Variants in SLC4A5 observed in about 807,000 individuals in gnomAD.
SLC4A5 encodes the protein electrogenic sodium bicarbonate cotransporter 4.
SLC4A5 carries 96 observed loss-of-function variants against 120.4 expected under a neutral mutation model. That is an observed-to-expected ratio of 0.80 (90% CI 0.68 to 0.94). SLC4A5 has a LOEUF of 0.94. Among genes scored for constraint, SLC4A5 ranks in the 40% least tolerant of loss-of-function variants. The pLI, the probability that SLC4A5 is intolerant of heterozygous loss-of-function variation, is 0.00. For missense variants in SLC4A5, 1,259 were observed against 1,459.5 expected (o/e 0.86, Z 2.24); for synonymous variants, 550 against 571.1 (o/e 0.96, Z 0.53).
chr2:74,307,980 G>A (rs1442266833), intron 6 of SLC4A5: 3 of 562,896 alleles, frequency 5.3e-6, no homozygotes, highest in Non-Finnish European at 1.0e-5. Context: ...GTAGTTGGAG[G>A]AGAAGGTGGA....
At chr2:74,231,383 T>C in intron 24 of SLC4A5, 75 bp from the exon 25 acceptor site, 1 of 1,356,980 alleles carries the variant, frequency 7.4e-7, no homozygotes, top group East Asian at 2.4e-5. Context: ...TGCCCCTCTG[T>C]GGGCACCTGA....
chr2:74,268,807 T>A (rs1671383426), intron 8 of SLC4A5, among the ~76,000 whole-genome samples: 2 of 152,256 alleles, frequency 1.3e-5, no homozygotes, highest in South Asian at 4.1e-4. Context: ...TATCTCACAT[T>A]TGCACTCTTC....
chr2:74,258,150 ACT>A (rs1337264734), intron 12 of SLC4A5, among the ~76,000 whole-genome samples: 7 of 152,070 alleles, frequency 4.6e-5, no homozygotes, highest in Non-Finnish European at 8.8e-5. Flanking sequence ...GTCTGAATCT[ACT>A]CTCTGTTCAC....
At chr2:74,276,950 T>C (rs1173717577) in intron 8 of SLC4A5, among the ~76,000 whole-genome samples, 2 of 152,030 alleles carry the variant, frequency 1.3e-5, no homozygotes, top group African/African-American at 2.4e-5. Flanking sequence ...GTAAAGAAGA[T>C]GCCCTGAGAG....
At chr2:74,328,404 C>G (rs1673269333) in intron 4 of SLC4A5, among the ~76,000 whole-genome samples, 1 of 152,202 alleles carries the variant, frequency 6.6e-6, no homozygotes, top group Non-Finnish European at 1.5e-5. Context: ...GATGCCTTTG[C>G]TCTAAATTTC....
At chr2:74,287,817 C>T (rs915126740) in intron 7 of SLC4A5, among the ~76,000 whole-genome samples, 1 of 152,122 alleles carries the variant, frequency 6.6e-6, no homozygotes, top group Admixed American at 6.5e-5. Context: ...TCTTCAACTT[C>T]CCTCTCTCCA....
chr2:74,254,650 C>A (rs368691435), exon 14 of SLC4A5: 1 of 1,613,806 alleles, frequency 6.2e-7, no homozygotes, highest in Admixed American at 1.7e-5. Context: ...AATGGCACGG[C>A]CAATTTCATT....
intron 19 of SLC4A5, 48 bp downstream of exon 19, chr2:74,246,988 C>T: frequency 6.3e-7 from 1 of 1,595,776 alleles, no homozygotes; most frequent in Non-Finnish European, 8.5e-7. Context: ...GATCAGGGGG[C>T]CGGTGGGGTA....
At chr2:74,316,185 G>C (rs1365455693) in intron 5 of SLC4A5, among the ~76,000 whole-genome samples, 1 of 151,688 alleles carries the variant, frequency 6.6e-6, no homozygotes, top group Non-Finnish European at 1.5e-5. Flanking sequence ...AAAAACAATA[G>C]AAGTATCAAA....
At chr2:74,281,725 A>G (rs541296197) in intron 8 of SLC4A5, among the ~76,000 whole-genome samples, 5 of 152,244 alleles carry the variant, frequency 3.3e-5, no homozygotes, top group South Asian at 2.1e-4. Context: ...CCCCAAACTA[A>G]TAACTCCCGA....
chr2:74,268,413 T>G (rs1671371692), intron 8 of SLC4A5, among the ~76,000 whole-genome samples: 1 of 152,366 alleles, frequency 6.6e-6, no homozygotes, highest in East Asian at 1.9e-4. Flanking sequence ...GGGTATAGTA[T>G]CTAATGGACA....
chr2:74,251,436 A>AC (rs1177281293), intron 16 of SLC4A5, among the ~76,000 whole-genome samples: 1 of 152,046 alleles, frequency 6.6e-6, no homozygotes, highest in Non-Finnish European at 1.5e-5. Context: ...TGGAAAAGAA[A>AC]CCCAGGCCAG....
intron 7 of SLC4A5, among the ~76,000 whole-genome samples, chr2:74,287,232 T>A (rs1573064165): frequency 6.6e-6 from 1 of 152,106 alleles, no homozygotes; most frequent in South Asian, 2.1e-4. Flanking sequence ...GACTTCCCAA[T>A]CAAACCAGCC....
At chr2:74,230,248 A>G (rs1422758891) in intron 25 of SLC4A5, among the ~76,000 whole-genome samples, 2 of 152,202 alleles carry the variant, frequency 1.3e-5, no homozygotes, top group Admixed American at 6.5e-5. Context: ...GGCACTGATC[A>G]AGGGAAAGGG....
exon 19 of SLC4A5, chr2:74,247,246 A>G: frequency 1.1e-5 from 18 of 1,614,190 alleles, no homozygotes; most frequent in Non-Finnish European, 1.4e-5. Flanking sequence ...AGGATAAGGC[A>G]CTGGACAGCT....
At chr2:74,326,031 T>C (rs1673209898) in intron 5 of SLC4A5, among the ~76,000 whole-genome samples, 2 of 152,058 alleles carry the variant, frequency 1.3e-5, no homozygotes, top group South Asian at 4.2e-4. Context: ...CTGACAGTCT[T>C]CCACTTCTGG....
intron 5 of SLC4A5, among the ~76,000 whole-genome samples, chr2:74,315,911 A>G (rs1335045996): frequency 6.6e-6 from 1 of 152,226 alleles, no homozygotes; most frequent in Non-Finnish European, 1.5e-5. Flanking sequence ...ATTCCATTAA[A>G]AAATTCATGC....
chr2:74,262,656 G>A (rs1213728432), intron 10 of SLC4A5, among the ~76,000 whole-genome samples: 7 of 150,970 alleles, frequency 4.6e-5, no homozygotes, highest in African/African-American at 9.8e-5. Flanking sequence ...CTGAGATCGC[G>A]CCATTGCACT....
intron 7 of SLC4A5, among the ~76,000 whole-genome samples, chr2:74,300,599 T>C (rs1011734111): frequency 6.6e-6 from 1 of 152,236 alleles, no homozygotes; most frequent in African/African-American, 2.4e-5. Context: ...CCAGGAAGCC[T>C]GTGCTGCCCC....
Sources: allele counts gnomAD v4.1 joint callset (sites outside exome capture counted in the v4.1 genomes callset), GRCh38; gene constraint gnomAD v4.1.1; transcripts MANE v1.5; gene names NCBI Gene and HGNC (gene_info 2026-07-23, HGNC 2026-07-21).